The following TDRP variants were observed in gnomAD, a reference collection of about 807,000 sequenced individuals.
TDRP encodes the protein testis development related protein.
Under a neutral mutation model 10.5 loss-of-function variants are expected in TDRP, and 12 were observed. The ratio of observed to expected loss-of-function variants is 1.15; its 90% CI spans 0.73 to 1.86. The LOEUF (loss-of-function observed/expected upper bound fraction) is 1.86. TDRP is among the 40% of genes most tolerant of loss of function. The pLI, the probability that TDRP is intolerant of heterozygous loss-of-function variation, is 0.00. For missense variants in TDRP, 353 were observed against 229.2 expected (o/e 1.54, Z -3.49); for synonymous variants, 139 against 95.4 (o/e 1.46, Z -2.67).
At chr8:514,824 C>T (rs1394278440) in intron 1 of TDRP, among the ~76,000 whole-genome samples, 1 of 152,008 alleles carries the variant, frequency 6.6e-6, no homozygotes, top group Non-Finnish European at 1.5e-5. Context: ...CACCTCTCAG[C>T]CTCCTCCCAC....
At chr8:545,258 C>T (rs1360451628), upstream of TDRP, among the ~76,000 whole-genome samples, 2 of 123,790 alleles carry the variant, frequency 1.6e-5, no homozygotes, top group African/African-American at 6.3e-5. Context: ...CCCCCACCTA[C>T]CCGCCCCTAG....
chr8:523,958 T>C (rs1361175485), intron 1 of TDRP, among the ~76,000 whole-genome samples: 3 of 152,080 alleles, frequency 2.0e-5, no homozygotes, highest in Non-Finnish European at 4.4e-5. Flanking sequence ...CGAACAAAAG[T>C]GGTAGCCAGG....
intron 1 of TDRP, among the ~76,000 whole-genome samples, chr8:538,267 CA>C (rs1337379132): frequency 6.6e-6 from 1 of 152,132 alleles, no homozygotes; most frequent in African/African-American, 2.4e-5. Flanking sequence ...ACATCAAGGC[CA>C]GGGGATGAGG....
intron 1 of TDRP, among the ~76,000 whole-genome samples, chr8:515,992 T>A (rs951520380): frequency 1.3e-5 from 2 of 152,084 alleles, no homozygotes; most frequent in South Asian, 4.2e-4. Context: ...ATAGTTAAAA[T>A]GTCCAAAAGA....
At chr8:545,178 C>T (rs1184483814), upstream of TDRP, among the ~76,000 whole-genome samples, 1 of 145,702 alleles carries the variant, frequency 6.9e-6, no homozygotes, top group African/African-American at 2.6e-5. Context: ...GCGAGACCCT[C>T]GCCCTTCACT....
chr8:520,347 T>G (rs1801869860), intron 1 of TDRP, among the ~76,000 whole-genome samples: 1 of 152,214 alleles, frequency 6.6e-6, no homozygotes, highest in Non-Finnish European at 1.5e-5. Context: ...CCTTATCTAT[T>G]AATCCATCCA....
intron 1 of TDRP, among the ~76,000 whole-genome samples, chr8:523,695 G>T (rs918011382): frequency 6.6e-6 from 1 of 152,166 alleles, no homozygotes; most frequent in Non-Finnish European, 1.5e-5. Context: ...GGTAGCCAAG[G>T]GGAGAGGCTC....
intron 1 of TDRP, among the ~76,000 whole-genome samples, chr8:514,051 C>G (rs4735798): frequency 0.35 from 53,066 of 152,116 alleles, 9,852 homozygotes; most frequent in Admixed American, 0.42. Context: ...AATGAAACCC[C>G]TATCACAATA....
chr8:497,188 T>C (rs1801159757), intron 1 of TDRP, among the ~76,000 whole-genome samples: 1 of 152,198 alleles, frequency 6.6e-6, no homozygotes, highest in South Asian at 2.1e-4. Context: ...AGAAGAAGAC[T>C]GGAAGATGTG....
chr8:532,227 C>G (rs945450172), intron 1 of TDRP, among the ~76,000 whole-genome samples: 17 of 152,216 alleles, frequency 1.1e-4, no homozygotes, highest in African/African-American at 3.4e-4. Context: ...TGTGTTGCAT[C>G]TGCTCACATG....
chr8:519,538 T>C (rs1204251271), intron 1 of TDRP, among the ~76,000 whole-genome samples: 1 of 151,134 alleles, frequency 6.6e-6, no homozygotes, highest in African/African-American at 2.5e-5. Flanking sequence ...AACTTTTTCA[T>C]CTCGTAAAAC....
chr8:534,430 C>T (rs1439742333), intron 1 of TDRP, among the ~76,000 whole-genome samples: 1 of 152,156 alleles, frequency 6.6e-6, no homozygotes, highest in African/African-American at 2.4e-5. Flanking sequence ...TGCTTTAATA[C>T]CTGCTGTTGA....
At chr8:510,425 T>A (rs7006788) in intron 1 of TDRP, among the ~76,000 whole-genome samples, 67 of 151,946 alleles carry the variant, frequency 4.4e-4, no homozygotes, top group African/African-American at 1.5e-3. Flanking sequence ...AGACAAAAGA[T>A]CAGATGTAAT....
intron 1 of TDRP, among the ~76,000 whole-genome samples, chr8:525,237 G>A (rs945215646): frequency 6.6e-6 from 1 of 152,088 alleles, no homozygotes; most frequent in Admixed American, 6.5e-5. Context: ...AAGCATGAAG[G>A]AGAAAGATCT....
intron 1 of TDRP, among the ~76,000 whole-genome samples, chr8:530,977 C>T (rs532594770): frequency 7.2e-5 from 11 of 152,228 alleles, no homozygotes; most frequent in Non-Finnish European, 1.2e-4. Context: ...CTCTGAAGCC[C>T]CCAGGCATCC....
At chr8:521,524 C>A (rs557019522) in intron 1 of TDRP, among the ~76,000 whole-genome samples, 41 of 152,142 alleles carry the variant, frequency 2.7e-4, no homozygotes, top group Non-Finnish European at 4.9e-4. Flanking sequence ...TCCAAGCAGC[C>A]CTGTTTAAGA....
At chr8:524,719 A>C (rs1801992597) in intron 1 of TDRP, among the ~76,000 whole-genome samples, 1 of 152,240 alleles carries the variant, frequency 6.6e-6, no homozygotes, top group African/African-American at 2.4e-5. Flanking sequence ...AGAAGAAAGA[A>C]TTAGTGATCT....
chr8:490,695 A>C lies in TDRP; in HGVS notation c.*1704T>G, dbSNP rs770698866. The C allele has an allele frequency of 3.9e-5, 6 of 152,260 alleles. No homozygotes were observed. The highest frequency in any genetic ancestry group is 5.9e-5 in the Non-Finnish European group (4 of 68,046). The allele number at this position is 152,260 out of a possible 1,614,324, so 9.4% of individuals were successfully genotyped here. On this transcript the variant is annotated 3_prime_UTR_variant, in exon 3 of 3. Transcript: ENST00000324079. ...GACAGTTATGACTATTTACCTGAGGAAACTTAGAATTTGTCAACTTAGCTG... is the reference window on the plus strand; with the variant it reads ...GACAGTTATGACTATTTACCTGAGGCAACTTAGAATTTGTCAACTTAGCTG...
At chr8:501,798 G>A (rs958058506) in intron 1 of TDRP, among the ~76,000 whole-genome samples, 7 of 152,296 alleles carry the variant, frequency 4.6e-5, no homozygotes, top group East Asian at 1.9e-4. Flanking sequence ...CAGTACAGAC[G>A]GTTTGCCGTT....
Sources: allele counts gnomAD v4.1 joint callset (sites outside exome capture counted in the v4.1 genomes callset), GRCh38; gene constraint gnomAD v4.1.1; transcripts MANE v1.5; gene names NCBI Gene and HGNC (gene_info 2026-07-23, HGNC 2026-07-21).